ARHGAP23: variants seen among roughly 807,000 people sequenced by gnomAD.
ARHGAP23 encodes Rho GTPase activating protein 23, also known as rho GTPase-activating protein 23.
A neutral mutation model predicts 136.3 loss-of-function variants in ARHGAP23; 34 were observed. The ratio of observed to expected loss-of-function variants is 0.25; its 90% CI spans 0.19 to 0.33. The LOEUF (loss-of-function observed/expected upper bound fraction) is 0.33, where lower values mean the gene tolerates loss of function less well. ARHGAP23 is among the 10% of genes least tolerant of loss of function. The probability of loss-of-function intolerance (pLI) is 1.00; values close to 1 mark genes in which losing one functional copy is unlikely to be tolerated. For missense variants in ARHGAP23, 1,808 were observed against 2,139.0 expected, an observed-to-expected ratio of 0.85 and a Z score of 3.05; for synonymous variants, 832 against 920.5, an observed-to-expected ratio of 0.90 and a Z score of 1.74.
intron 17 of ARHGAP23, among the ~76,000 whole-genome samples, chr17:38,488,483 C>T (rs1173307497): frequency 6.6e-6 from 1 of 152,204 alleles, no homozygotes; most frequent in Non-Finnish European, 1.5e-5. Context: ...CAAATATTTG[C>T]TTTGGCCTGC....
At position 38,463,323 on chromosome 17, in the gene ARHGAP23, T is replaced by C. The variant is rs1186556083; in HGVS notation, c.429-5T>C. The C allele has an allele frequency of 1.6e-5, 25 of 1,551,602 alleles. No individual in the cohort carries two copies. The highest frequency in any genetic ancestry group is 2.1e-5 in the Non-Finnish European group (24 of 1,146,994). ...CCCAGCCTGACGTTCTGCCTGTCTC[T>C]GTAGTGATGACACTCTGGAGCTGTC... On this transcript the variant is annotated splice_polypyrimidine_tract_variant and splice_region_variant and intron_variant, in intron 5 of 23. Transcript: ENST00000622683.
intron 11 of ARHGAP23, among the ~76,000 whole-genome samples, chr17:38,476,506 G>A (rs2039894449): frequency 6.6e-6 from 1 of 152,160 alleles, no homozygotes; most frequent in South Asian, 2.1e-4. Flanking sequence ...CAAGTATTGT[G>A]CAAAGTGCCC....
chr17:38,421,586 C>T (rs1022306372), intron 1 of ARHGAP23, among the ~76,000 whole-genome samples: 2 of 152,232 alleles, frequency 1.3e-5, no homozygotes, highest in Non-Finnish European at 2.9e-5. Context: ...GCCGATGTGT[C>T]TGTTTGGTAT....
upstream of ARHGAP23, among the ~76,000 whole-genome samples, chr17:38,423,478 TCTC>T (rs549093417): frequency 2.8e-4 from 43 of 152,070 alleles, no homozygotes; most frequent in Non-Finnish European, 5.3e-4. Context: ...TTCAAGCAAT[TCTC>T]CTGCCTCAGC....
upstream of ARHGAP23, among the ~76,000 whole-genome samples, chr17:38,424,113 C>T (rs962211583): frequency 2.0e-5 from 3 of 152,132 alleles, no homozygotes; most frequent in East Asian, 3.8e-4. Context: ...GGGTGCAGCA[C>T]GAATTTGAAC....
intron 10 of ARHGAP23, 114 bp from the exon 11 acceptor site, chr17:38,471,749 G>A (rs1354403101): frequency 4.0e-6 from 5 of 1,242,684 alleles, no homozygotes; most frequent in African/African-American, 3.0e-5. Flanking sequence ...ACAGCACATC[G>A]GGGTGTAGCA....
chr17:38,483,401 G>A (rs908250038), intron 16 of ARHGAP23, among the ~76,000 whole-genome samples: 3 of 152,228 alleles, frequency 2.0e-5, no homozygotes, highest in African/African-American at 4.8e-5. Flanking sequence ...CAGCAAGGCC[G>A]GCGATTCTCA....
Position 38,466,685 on chromosome 17 carries a change from C to G in ARHGAP23, c.1002C>G (p.Ser334=), listed in dbSNP as rs1428055409. The part of the protein sequence containing the change: ...AAPRPWPCST[S]QDALSQLGQE... ...CCCGCCCGTGGCCCTGCTCCACCTCCCAGGATGCTTTGAGCCAGCTGGGCC... is the reference window on the plus strand; with the variant it reads ...CCCGCCCGTGGCCCTGCTCCACCTCGCAGGATGCTTTGAGCCAGCTGGGCC... The change falls in exon 7 of 24, where the codon TCC becomes TCG. Residue 334 remains serine (S), a synonymous_variant. Transcript: ENST00000622683. The G allele has an allele frequency of 4.6e-6, 7 of 1,524,992 alleles. No homozygotes were observed. In the African/African-American group the frequency reaches 8.2e-5, roughly 18 times the overall value. 94.5% of individuals were successfully genotyped at this position (1,524,992 alleles called of 1,614,324 possible). A position where few individuals can be genotyped will look rare whatever the true frequency, so the allele number is the denominator to read the frequency against.
chr17:38,473,575 C>T (rs377663703), intron 11 of ARHGAP23, among the ~76,000 whole-genome samples: 18 of 151,976 alleles, frequency 1.2e-4, no homozygotes, highest in South Asian at 6.2e-4. Context: ...GTAAGGGAGC[C>T]AGGGCAGCCC....
upstream of ARHGAP23, among the ~76,000 whole-genome samples, chr17:38,425,179 C>G (rs1417109392): frequency 4.6e-5 from 7 of 152,222 alleles, no homozygotes; most frequent in Non-Finnish European, 7.3e-5. Context: ...GTCACACCCC[C>G]GCCTGTGTTT....
chr17:38,449,412 C>T (rs544143769), intron 1 of ARHGAP23, among the ~76,000 whole-genome samples: 52 of 152,316 alleles, frequency 3.4e-4, no homozygotes, highest in African/African-American at 1.2e-3. Flanking sequence ...ACATGGAGGG[C>T]GCTGCGGAGA....
At position 38,458,160 on chromosome 17, in the gene ARHGAP23, C is replaced by T. The variant is rs1209106848; in HGVS notation, c.122C>T (p.Pro41Leu). ...AGGCGCCCCTTCCCCTGGCAGGGGC[C>T]GAGGACGCTGCTGCTGTACAAAAGT... Reference protein sequence around the residue: ...SPRRPFPWQGPRTLLLYKSPQ... With the variant: ...SPRRPFPWQGLRTLLLYKSPQ... The change falls in exon 2 of 24, where the codon CCG becomes CTG. Residue 41 changes from proline (P) to leucine (L), a missense_variant. Around this residue, in one of 7 missense-constraint regions of ARHGAP23, gnomAD observed 859 missense variants for 936.4 expected, o/e 0.92. Transcript: ENST00000622683. 5.9e-6 allele frequency: 9 copies of T among 1,536,108 alleles called. No homozygotes were observed. Among genetic ancestry groups the T allele is most frequent in the South Asian group, 2.4e-5 (2 of 84,058 alleles).
chr17:38,478,510 G>T (rs2039953602), intron 12 of ARHGAP23, among the ~76,000 whole-genome samples: 1 of 151,860 alleles, frequency 6.6e-6, no homozygotes, highest in African/African-American at 2.4e-5. Context: ...CGCCTCCCAG[G>T]TTCAAGTGAT....
chr17:38,483,975 A>G (rs2040105525), intron 16 of ARHGAP23, among the ~76,000 whole-genome samples: 1 of 152,214 alleles, frequency 6.6e-6, no homozygotes, highest in Non-Finnish European at 1.5e-5. Context: ...CAGAGAAGGC[A>G]TTTGATGGCT....
At chr17:38,475,988 G>A (rs1232985003) in intron 11 of ARHGAP23, among the ~76,000 whole-genome samples, 3 of 152,196 alleles carry the variant, frequency 2.0e-5, no homozygotes, top group African/African-American at 4.8e-5. Context: ...AACAGCAAGC[G>A]GAGAGGCCCT....
chr17:38,470,100 C>G (rs1345062489), intron 10 of ARHGAP23, among the ~76,000 whole-genome samples, 196 bp downstream of exon 10: 2 of 152,212 alleles, frequency 1.3e-5, no homozygotes, highest in Admixed American at 6.5e-5. Context: ...CTGAATGACA[C>G]CATGCAGCCC....
Position 38,460,885 on chromosome 17 carries a change from C to T in ARHGAP23, c.226-20C>T, listed in dbSNP as rs2039443721. 1.3e-6 allele frequency: 2 copies of T among 1,535,982 alleles called. No homozygotes were observed. The highest frequency in any genetic ancestry group is 3.9e-5 in the Admixed American group (2 of 50,970). ...TGAGGGCTGGACTGACGCCCACACC[C>T]ACTCCTCTGTTCCCTGCAGGAGGAA... is the stretch of plus-strand genomic sequence containing the variant. On this transcript the variant is annotated intron_variant, in intron 2 of 23. Coordinates refer to ENST00000622683, the MANE Select transcript of ARHGAP23 (RefSeq NM_001199417.2).
intron 20 of ARHGAP23, among the ~76,000 whole-genome samples, chr17:38,492,556 C>A (rs1380583845): frequency 1.3e-5 from 2 of 152,202 alleles, no homozygotes; most frequent in African/African-American, 4.8e-5. Context: ...GTGCTTTCCT[C>A]CTGCTATCAA....
At chr17:38,481,713 C>T (rs1156360860) in intron 14 of ARHGAP23, among the ~76,000 whole-genome samples, 4 of 152,200 alleles carry the variant, frequency 2.6e-5, no homozygotes, top group African/African-American at 9.7e-5. Flanking sequence ...GAGCTATGAT[C>T]ATACCACTGC....
Sources: allele counts gnomAD v4.1 joint callset (sites outside exome capture counted in the v4.1 genomes callset), GRCh38; gene constraint gnomAD v4.1.1; regional missense constraint gnomAD v4.1.1; transcripts MANE v1.5; gene names NCBI Gene and HGNC (gene_info 2026-07-23, HGNC 2026-07-21).